Variants in NT5DC2 observed in about 807,000 individuals in gnomAD.
NT5DC2 encodes 5'-nucleotidase domain containing 2, also known as 5'-nucleotidase domain-containing protein 2.
In NT5DC2, 41 loss-of-function variants were observed where a neutral mutation model predicts 70.0. That is an observed-to-expected ratio of 0.59 (90% confidence interval 0.46 to 0.76). NT5DC2 has a LOEUF of 0.76. Among genes scored for constraint, NT5DC2 ranks in the 30% least tolerant of loss-of-function variants. The pLI, the probability that NT5DC2 is intolerant of heterozygous loss-of-function variation, is 0.00. For missense variants in NT5DC2, 705 were observed against 783.2 expected (o/e 0.90, Z 1.19); for synonymous variants, 299 against 310.4 (o/e 0.96, Z 0.39).
At chr3:52,533,448 C>T in intron 1 of NT5DC2, 58 bp downstream of exon 1, 1 of 1,457,278 alleles carries the variant, frequency 6.9e-7, no homozygotes, top group Non-Finnish European at 9.1e-7. Flanking sequence ...GGGGCTCGGT[C>T]CGTCCATCAG....
intron 5 of NT5DC2, 30 bp from the exon 6 acceptor site, chr3:52,528,341 C>T: frequency 6.2e-7 from 1 of 1,613,184 alleles, no homozygotes; most frequent in South Asian, 1.1e-5. Context: ...CTCAGACACC[C>T]TTTGGGACCC....
Position 52,527,700 on chromosome 3 carries a change from G to A in NT5DC2, c.954C>T (p.His318=), listed in dbSNP as rs1575387396. ...GCTGGCGCCAATCGGGACCCACCAT[G>A]TGCCGCATCCCCTTGTCTCTGTGTG... The part of the protein sequence containing the change: ...PFSFVDKGMR[H]MVGPDWRQLF... Residue 318 remains histidine (H), a synonymous_variant, in exon 9 of 14, where the codon CAC becomes CAT. Coordinates refer to ENST00000422318, the MANE Select transcript of NT5DC2 (RefSeq NM_001134231.2). 2 of 1,613,186 alleles carry A rather than the reference G, an allele frequency of 1.2e-6. No homozygotes were observed. Among genetic ancestry groups the A allele is most frequent in the Non-Finnish European group, 1.7e-6 (2 of 1,180,038 alleles).
At chr3:52,533,412 G>T in intron 1 of NT5DC2, 94 bp downstream of exon 1, 1 of 1,315,330 alleles carries the variant, frequency 7.6e-7, no homozygotes. Flanking sequence ...GCCCCACTGG[G>T]TGTTTCCCCG....
chr3:52,530,999 C>T (rs544207540), intron 1 of NT5DC2, among the ~76,000 whole-genome samples: 1 of 152,344 alleles, frequency 6.6e-6, no homozygotes, highest in South Asian at 2.1e-4. Context: ...ACCCCAGTGC[C>T]GATGACAAAG....
At chr3:52,527,962 G>A in intron 7 of NT5DC2, 31 bp from the exon 8 acceptor site, 1 of 1,613,374 alleles carries the variant, frequency 6.2e-7, no homozygotes, top group Non-Finnish European at 8.5e-7. Flanking sequence ...GTGAGGGTCA[G>A]TCCTGCCACC....
Position 52,531,470 on chromosome 3 carries a change from C to A in NT5DC2, c.232+2036G>T, listed in dbSNP as rs531825647. On this transcript the variant is annotated intron_variant, in intron 1 of 13. Coordinates refer to ENST00000422318, the MANE Select transcript of NT5DC2 (RefSeq NM_001134231.2). The surrounding 1 kb of genome is among the most constrained non-coding windows in gnomAD (Gnocchi z 4.1). Reference sequence around the variant, plus strand: ...GTCTGCTCGGCAGTGCAGCCCCTTGCTGGCACAGAGTCCTGGTTAGGTCCA... The same window carrying A: ...GTCTGCTCGGCAGTGCAGCCCCTTGATGGCACAGAGTCCTGGTTAGGTCCA... Among the ~76,000 whole-genome samples, 12 of 152,276 alleles carry A rather than the reference C, an allele frequency of 7.9e-5. No individual in the cohort carries two copies. The highest frequency in any genetic ancestry group is 2.9e-4 in the African/African-American group (12 of 41,546).
Position 52,533,600 on chromosome 3 carries a change from GA to G in NT5DC2, c.137del (p.Val46AlafsTer43). The G allele has an allele frequency of 1.6e-6, 2 of 1,272,920 alleles. No homozygotes were observed. The highest frequency in any genetic ancestry group is 2.0e-6 in the Non-Finnish European group (2 of 1,010,778). The allele number at this position is 1,272,920 out of a possible 1,614,324, so 78.9% of individuals were successfully genotyped here. On this transcript the variant is annotated frameshift_variant, in exon 1 of 14. Coordinates refer to ENST00000422318, the MANE Select transcript of NT5DC2 (RefSeq NM_001134231.2). LOFTEE classifies it high-confidence loss of function. The part of the protein sequence containing the change: ...PPGPGAHCPG[V>X]PRSAPAQAPT... Reference sequence around the variant, plus strand: ...GTGCCTGGGCGGGCGCGGAGCGCGGGACGCCGGGGCAGTGGGCGCCGGGACC... The same window carrying G: ...GTGCCTGGGCGGGCGCGGAGCGCGGGCGCCGGGGCAGTGGGCGCCGGGACC...
chr3:52,525,892 C>G (rs2153234534), intron 10 of NT5DC2: 1 of 152,900 alleles, frequency 6.5e-6, no homozygotes, highest in East Asian at 1.9e-4. Flanking sequence ...GTTCTTGAAG[C>G]AGTCTGTGCA....
chr3:52,529,249 G>T lies in NT5DC2; in HGVS notation c.318C>A (p.Val106=). ...GGGTGTAGTCGTAGTCAAAGCCGTA[G>T]ACCTCAACGTCACGCAGGCTGATCT... is the stretch of plus-strand genomic sequence containing the variant. ...NNEISLRDVE[V]YGFDYDYTLA... is the part of the protein sequence containing the mutation. The change falls in exon 2 of 14, where the codon GTC becomes GTA. Residue 106 remains valine (V), a synonymous_variant. Transcript: ENST00000422318. This position sits in a 1 kb window ranked among gnomAD's most constrained non-coding sequence, Gnocchi z 4.1. The T allele has an allele frequency of 6.2e-7, 1 of 1,614,068 alleles. No individual in the cohort carries two copies. The highest frequency in any genetic ancestry group is 1.1e-5 in the South Asian group (1 of 91,074).
chr3:52,532,619 G>T, intron 1 of NT5DC2: 1 of 460,866 alleles, frequency 2.2e-6, no homozygotes, highest in Non-Finnish European at 2.9e-6. Context: ...AAGCTCTCCT[G>T]CCCTGCTTGG....
In NT5DC2 at chr3:52,524,962, C is replaced by G. The variant is rs2079227242; in HGVS notation, c.1347+1G>C. The G allele has an allele frequency of 6.2e-7, 1 of 1,612,130 alleles. No homozygotes were observed. Among genetic ancestry groups the G allele is most frequent in the Non-Finnish European group, 8.5e-7 (1 of 1,179,738 alleles). ...CCTCCCACAGCCACCCCGGCCCACA[C>G]CTGCATGCGCTCCAGCAGCCCCGTG... On this transcript the variant is annotated splice_donor_variant, in intron 12 of 13. Coordinates refer to ENST00000422318, the MANE Select transcript of NT5DC2 (RefSeq NM_001134231.2). LOFTEE classifies it high-confidence loss of function.
At chr3:52,526,644 G>A (rs2153234897) in intron 10 of NT5DC2, among the ~76,000 whole-genome samples, 1 of 152,338 alleles carries the variant, frequency 6.6e-6, no homozygotes, top group Non-Finnish European at 1.5e-5. Context: ...CATTCATCAG[G>A]CATTTCACGA....
Position 52,528,858 on chromosome 3 carries a change from C to A in NT5DC2, c.492+3G>T. On this transcript the variant is annotated splice_donor_region_variant and intron_variant, in intron 3 of 13. Coordinates refer to ENST00000422318, the MANE Select transcript of NT5DC2 (RefSeq NM_001134231.2). Reference sequence around the variant, plus strand: ...GAGCCCCTATACAGGTCCAGCCACTCACCTTCTGAATGTCATAGTGGAGGC... The same window carrying A: ...GAGCCCCTATACAGGTCCAGCCACTAACCTTCTGAATGTCATAGTGGAGGC... 1 of 1,613,938 alleles carries A rather than the reference C, an allele frequency of 6.2e-7. No homozygotes were observed. Among genetic ancestry groups the A allele is most frequent in the Non-Finnish European group, 8.5e-7 (1 of 1,179,914 alleles).
chr3:52,528,454 A>T lies in NT5DC2; in HGVS notation c.634T>A (p.Tyr212Asn). 6.2e-7 allele frequency: 1 copy of T among 1,613,586 alleles called. No homozygotes were observed. The highest frequency in any genetic ancestry group is 1.1e-5 in the South Asian group (1 of 91,084). Reference sequence around the variant, plus strand: ...GCTGGGGTATGGAGTACCTTGCCATAGAAGCCACTCATCTGGTATAGTGGG... The same window carrying T: ...GCTGGGGTATGGAGTACCTTGCCATTGAAGCCACTCATCTGGTATAGTGGG... ...HIPLYQMSGF[Y>N]GKGPSIKQFM... is the part of the protein sequence containing the mutation. Residue 212 changes from tyrosine (Y) to asparagine (N), a missense_variant, in exon 5 of 14, where the codon TAT becomes AAT. Tyr to Asn is a moderately radical substitution (Grantham distance 143, BLOSUM62 -2). Transcript: ENST00000422318.
At chr3:52,532,679 C>A (rs988981874) in intron 1 of NT5DC2, among the ~76,000 whole-genome samples, 2 of 152,090 alleles carry the variant, frequency 1.3e-5, no homozygotes, top group African/African-American at 4.8e-5. Context: ...CCCAGGACTG[C>A]GTTTCATGCT....
chr3:52,533,383 C>A, intron 1 of NT5DC2, 123 bp downstream of exon 1: 1 of 1,082,244 alleles, frequency 9.2e-7, no homozygotes, highest in South Asian at 1.6e-5. Context: ...CCGGCCCTTG[C>A]GCTCCGGGGC....
At chr3:52,533,904 C>G (rs1575394031), upstream of NT5DC2, 3 of 909,452 alleles carry the variant, frequency 3.3e-6, no homozygotes, top group Non-Finnish European at 3.9e-6. Flanking sequence ...CGCCCCTCGG[C>G]CCGGGGGGCG....
Position 52,533,838 on chromosome 3 carries a change from C to T in NT5DC2, c.-101G>A, listed in dbSNP as rs931541998. 6 of 980,750 alleles carry T rather than the reference C, an allele frequency of 6.1e-6. No homozygotes were observed. In the African/African-American group the frequency reaches 8.8e-5, roughly 14 times the overall value. The allele number at this position is 980,750 out of a possible 1,614,324, so 60.8% of individuals were successfully genotyped here. On this transcript the variant is annotated 5_prime_UTR_variant, in exon 1 of 14. Coordinates refer to ENST00000422318, the MANE Select transcript of NT5DC2 (RefSeq NM_001134231.2). ...GCGCCCGCCACGGTGGCCTCGTGCT[C>T]CTCACGGCGGCCGGCCAATGGGTGC...
Position 52,524,530 on chromosome 3 carries a change from G to A in NT5DC2, c.1614C>T (p.Asp538=). Residue 538 remains aspartate, a synonymous_variant, in exon 14 of 14, where the codon GAC becomes GAT. Coordinates refer to ENST00000422318, the MANE Select transcript of NT5DC2 (RefSeq NM_001134231.2). ...TCTTCATGCAGCCGGTGCAGAGCTG[G>A]TCCATCCAGAGGGGTGCCTCGTGCT... ...PLQHEAPLWM[D]QLCTGCMKTP... 4 of 1,613,082 alleles carry A rather than the reference G, an allele frequency of 2.5e-6. No homozygotes were observed. Among genetic ancestry groups the A allele is most frequent in the Non-Finnish European group, 3.4e-6 (4 of 1,180,042 alleles).
Sources: allele counts gnomAD v4.1 joint callset (sites outside exome capture counted in the v4.1 genomes callset), GRCh38; gene constraint gnomAD v4.1.1; non-coding constraint Gnocchi (gnomAD v3.1); transcripts MANE v1.5; gene names NCBI Gene and HGNC (gene_info 2026-07-23, HGNC 2026-07-21).